The following ROBO1 variants were observed in gnomAD, a reference collection of about 807,000 sequenced individuals.
The protein encoded by ROBO1 is roundabout guidance receptor 1, also known as roundabout homolog 1.
In ROBO1, 149 loss-of-function variants were observed where a neutral mutation model predicts 195.9. That is an observed-to-expected ratio of 0.76 (90% CI 0.67 to 0.87). The LOEUF is 0.87. Ranked by LOEUF, ROBO1 falls within the 40% of genes least tolerant of loss-of-function variation. ROBO1 has a pLI of 0.00. For missense variants in ROBO1, 1,933 were observed against 2,068.3 expected (o/e 0.93, Z 1.27); for synonymous variants, 816 against 733.2 (o/e 1.11, Z -1.82).
Position 79,767,889 on chromosome 3 carries a change from T to C in ROBO1, c.-188A>G, listed in dbSNP as rs2107546199. On this transcript the variant is annotated 5_prime_UTR_variant, in exon 1 of 31. Coordinates refer to ENST00000464233, the MANE Select transcript of ROBO1 (RefSeq NM_002941.4). ...ACTTTTAAACCTAAGAGTGGGGAAA[T>C]AGGGAGAGAGTGAAGTCGGGTTTCT... 1 of 152,188 alleles carries C rather than the reference T, an allele frequency of 6.6e-6. No individual in the cohort carries two copies. Among genetic ancestry groups the C allele is most frequent in the East Asian group, 1.9e-4 (1 of 5,172 alleles). 9.4% of individuals were successfully genotyped at this position (152,188 alleles called of 1,614,324 possible). A position where few individuals can be genotyped will look rare whatever the true frequency, so the allele number is the denominator to read the frequency against.
chr3:79,288,441 A>G (rs1272378241), intron 2 of ROBO1, among the ~76,000 whole-genome samples: 1 of 152,204 alleles, frequency 6.6e-6, no homozygotes, highest in Non-Finnish European at 1.5e-5. Context: ...CTCGATATTC[A>G]GCATTCATGC....
At chr3:78,927,504 C>T (rs1032289943) in intron 4 of ROBO1, among the ~76,000 whole-genome samples, 1 of 152,122 alleles carries the variant, frequency 6.6e-6, no homozygotes, top group Non-Finnish European at 1.5e-5. Flanking sequence ...ATCCCTTACT[C>T]GTGTATCATA....
chr3:79,587,159 C>A (rs1270462822), intron 2 of ROBO1, among the ~76,000 whole-genome samples: 1 of 151,536 alleles, frequency 6.6e-6, no homozygotes, highest in African/African-American at 2.4e-5. Flanking sequence ...CCAACCATTT[C>A]ATTTGCAATA....
intron 4 of ROBO1, among the ~76,000 whole-genome samples, chr3:78,811,058 GCT>G (rs1206353222): frequency 6.6e-6 from 1 of 151,936 alleles, no homozygotes; most frequent in Non-Finnish European, 1.5e-5. Flanking sequence ...ATGAAATTAT[GCT>G]CTCTCACTGG....
chr3:78,977,457 T>A (rs901022468), intron 3 of ROBO1, among the ~76,000 whole-genome samples: 4 of 152,056 alleles, frequency 2.6e-5, no homozygotes, highest in African/African-American at 4.8e-5. Context: ...CTGGAATAAT[T>A]ACTTAAATTG....
At chr3:79,263,623 CAG>C in intron 2 of ROBO1, among the ~76,000 whole-genome samples, 1 of 152,124 alleles carries the variant, frequency 6.6e-6, no homozygotes, top group African/African-American at 2.4e-5. Flanking sequence ...GCCTGTGAGA[CAG>C]AGTGAAACCC....
At chr3:78,883,359 A>G (rs2036299371) in intron 4 of ROBO1, among the ~76,000 whole-genome samples, 1 of 151,932 alleles carries the variant, frequency 6.6e-6, no homozygotes, top group Non-Finnish European at 1.5e-5. Context: ...ACCTGACTAC[A>G]CCTGTTTGTC....
chr3:79,266,540 T>G (rs1227069697), intron 2 of ROBO1, among the ~76,000 whole-genome samples: 2 of 151,596 alleles, frequency 1.3e-5, no homozygotes, highest in African/African-American at 4.8e-5. Context: ...TTTCATGGTA[T>G]GTAAGAACAT....
intron 2 of ROBO1, among the ~76,000 whole-genome samples, chr3:79,542,892 A>T (rs1413784806): frequency 6.6e-6 from 1 of 152,116 alleles, no homozygotes; most frequent in Non-Finnish European, 1.5e-5. Flanking sequence ...TCCCTTTAAT[A>T]TAGCAATTCA....
chr3:79,533,720 T>C (rs994138844), intron 2 of ROBO1, among the ~76,000 whole-genome samples: 1 of 152,182 alleles, frequency 6.6e-6, no homozygotes, highest in East Asian at 1.9e-4. Context: ...TTTTAATCGA[T>C]TTACAAGCTC....
intron 2 of ROBO1, among the ~76,000 whole-genome samples, chr3:79,484,640 T>C (rs985380258): frequency 6.6e-6 from 1 of 151,946 alleles, no homozygotes; most frequent in Admixed American, 6.6e-5. Flanking sequence ...AAAGCCATAA[T>C]ATGCACGTGA....
intron 10 of ROBO1, among the ~76,000 whole-genome samples, chr3:78,671,547 T>C (rs1708065779): frequency 6.6e-6 from 1 of 151,910 alleles, no homozygotes; most frequent in Non-Finnish European, 1.5e-5. Context: ...ACACTTCAAT[T>C]TGCTCCTCAT....
chr3:79,166,241 A>G (rs2081060878), intron 2 of ROBO1, among the ~76,000 whole-genome samples: 1 of 152,232 alleles, frequency 6.6e-6, no homozygotes, highest in South Asian at 2.1e-4. Context: ...TCTAATGCCT[A>G]TAGCCAATTC....
chr3:79,726,520 T>C (rs1702932919), intron 1 of ROBO1, among the ~76,000 whole-genome samples: 2 of 152,208 alleles, frequency 1.3e-5, no homozygotes, highest in African/African-American at 2.4e-5. Flanking sequence ...ATTATGACTA[T>C]GCCATAATCA....
chr3:79,195,700 A>G (rs1054717223), intron 2 of ROBO1, among the ~76,000 whole-genome samples: 1 of 151,552 alleles, frequency 6.6e-6, no homozygotes, highest in Non-Finnish European at 1.5e-5. Context: ...CCTATGGTCA[A>G]TAAAACCCTG....
chr3:78,850,862 A>C (rs1576288397), intron 4 of ROBO1, among the ~76,000 whole-genome samples: 1 of 151,416 alleles, frequency 6.6e-6, no homozygotes, highest in Non-Finnish European at 1.5e-5. Context: ...GCTGGAGTGC[A>C]ATGAAGCTAT....
At chr3:78,766,531 T>C (rs2083232660) in intron 4 of ROBO1, among the ~76,000 whole-genome samples, 1 of 152,108 alleles carries the variant, frequency 6.6e-6, no homozygotes, top group Non-Finnish European at 1.5e-5. Context: ...GACTTTACGG[T>C]TTTTTTAGGT....
chr3:79,143,518 T>C (rs1197997456), intron 2 of ROBO1, among the ~76,000 whole-genome samples: 1 of 149,050 alleles, frequency 6.7e-6, no homozygotes, highest in Non-Finnish European at 1.5e-5. Flanking sequence ...AAGATATTGT[T>C]GTCAAACTTT....
At chr3:79,409,122 T>C (rs1239377015) in intron 2 of ROBO1, among the ~76,000 whole-genome samples, 1 of 152,100 alleles carries the variant, frequency 6.6e-6, no homozygotes, top group Non-Finnish European at 1.5e-5. Context: ...GCCCTAATTA[T>C]GGAAAACATG....
Sources: gnomAD v4.1 joint callset for allele counts (sites outside exome capture counted in the v4.1 genomes callset) on GRCh38, gnomAD v4.1.1 for gene constraint, MANE v1.5 for transcripts, NCBI Gene and HGNC (gene_info 2026-07-23, HGNC 2026-07-21) for gene names.